The following DMAP1 variants were observed in gnomAD, a reference collection of about 807,000 sequenced individuals.
The protein encoded by DMAP1 is DNA methyltransferase 1-associated protein 1.
A neutral mutation model predicts 52.7 loss-of-function variants in DMAP1; 26 were observed. That is an observed-to-expected ratio of 0.49 (90% confidence interval 0.36 to 0.68). The LOEUF is 0.68. DMAP1 is among the 30% of genes least tolerant of loss of function. DMAP1 has a pLI of 0.00. For missense variants in DMAP1, 439 were observed against 625.2 expected (o/e 0.70, Z 3.18); for synonymous variants, 231 against 246.0 (o/e 0.94, Z 0.57).
Position 44,218,295 on chromosome 1 carries a change from C to A in DMAP1, c.394-16C>A, listed in dbSNP as rs899717136. 2.5e-6 allele frequency: 4 copies of A among 1,614,242 alleles called. No individual in the cohort carries two copies. In the Admixed American group the frequency reaches 5.0e-5, roughly 20 times the overall value. ...TCATGCGGGCATGCCCCTACTGTGT[C>A]CCTCTGTGCTAGTAGACTGTGCAGG... On this transcript the variant is annotated splice_polypyrimidine_tract_variant and intron_variant, in intron 3 of 9. Transcript: ENST00000372289. The surrounding 1 kb of genome is among the most constrained non-coding windows in gnomAD (Gnocchi z 5.6).
intron 2 of DMAP1, 44 bp from the exon 3 acceptor site, chr1:44,214,659 A>G (rs776473589): frequency 6.2e-6 from 10 of 1,612,306 alleles, no homozygotes; most frequent in Non-Finnish European, 8.5e-6. Context: ...TCTTTAACAC[A>G]CCTTCTGATT....
At position 44,218,625 on chromosome 1, in the gene DMAP1, ACATCTG is replaced by A. The variant is rs770254055; in HGVS notation, c.591_596del (p.Ile198_Cys199del). The A allele has an allele frequency of 6.2e-7, 1 of 1,613,320 alleles. No homozygotes were observed. Among genetic ancestry groups the A allele is most frequent in the Admixed American group, 1.7e-5 (1 of 60,002 alleles). On this transcript the variant is annotated inframe_deletion, in exon 5 of 10. Transcript: ENST00000372289. The surrounding 1 kb of genome is among the most constrained non-coding windows in gnomAD (Gnocchi z 5.6). ...GAAGACCTGAAGGAGCGGTACTACC[ACATCTG>A]TGCTAAGCTTGCCAACGTGCGGGCT... is the stretch of plus-strand genomic sequence containing the variant.
At position 44,213,866 on chromosome 1, in the gene DMAP1, G is replaced by C. The variant is rs1342700303; in HGVS notation, c.105+8G>C. On this transcript the variant is annotated splice_region_variant and intron_variant, in intron 1 of 9. Coordinates refer to ENST00000372289, the MANE Select transcript of DMAP1 (RefSeq NM_019100.5). This position sits in a 1 kb window ranked among gnomAD's most constrained non-coding sequence, Gnocchi z 4.5. ...ATTATCAACCCGGACAAGGTAGCAGGGGCACCTGAAAGCGTTGACTAGGGG... is the reference window on the plus strand; with the variant it reads ...ATTATCAACCCGGACAAGGTAGCAGCGGCACCTGAAAGCGTTGACTAGGGG... 6.4e-7 allele frequency: 1 copy of C among 1,574,154 alleles called. No homozygotes were observed. Among genetic ancestry groups the C allele is most frequent in the Non-Finnish European group, 8.6e-7 (1 of 1,160,046 alleles).
In DMAP1 at chr1:44,218,371, T is replaced by C; in HGVS notation, c.454T>C (p.Trp152Arg). 6.2e-7 allele frequency: 1 copy of C among 1,614,210 alleles called. No homozygotes were observed. Among genetic ancestry groups the C allele is most frequent in the Non-Finnish European group, 8.5e-7 (1 of 1,180,028 alleles). Reference protein sequence around the residue: ...EYQLYLHDDAWTKAETDHLFD... With the variant: ...EYQLYLHDDARTKAETDHLFD... ...CCAGCTTTATCTCCACGATGATGCT[T>C]GGACTAAGGCAGAAACTGACCACCT... The change falls in exon 4 of 10, where the codon TGG (tryptophan) becomes CGG (arginine). Residue 152 changes from tryptophan (W) to arginine (R), a missense_variant. Trp to Arg is a moderately radical substitution (Grantham distance 101). Coordinates refer to ENST00000372289, the MANE Select transcript of DMAP1 (RefSeq NM_019100.5). This position sits in a 1 kb window ranked among gnomAD's most constrained non-coding sequence, Gnocchi z 5.6.
At position 44,218,516 on chromosome 1, in the gene DMAP1, A is replaced by G. The variant is rs778325844; in HGVS notation, c.552+47A>G. On this transcript the variant is annotated intron_variant, in intron 4 of 9. Transcript: ENST00000372289. The surrounding 1 kb of genome is among the most constrained non-coding windows in gnomAD (Gnocchi z 5.6). ...TGGGTGCCCAGCTTCTGGGTCTAGC[A>G]GGCCCTACTTTTATGCCATCTCTTC... 1 of 1,610,334 alleles carries G rather than the reference A, an allele frequency of 6.2e-7. No homozygotes were observed. The highest frequency in any genetic ancestry group is 8.5e-7 in the Non-Finnish European group (1 of 1,176,924).
intron 3 of DMAP1, chr1:44,215,151 C>T (rs746601878): frequency 1.6e-6 from 1 of 628,540 alleles, no homozygotes; most frequent in South Asian, 1.5e-5. Flanking sequence ...TGCTGTTCCT[C>T]AGAGCTGTAT....
In DMAP1 at chr1:44,219,224, AAGG is replaced by A. The variant is rs1643855669; in HGVS notation, c.893_895del (p.Glu298del). 1.2e-6 allele frequency: 2 copies of A among 1,613,276 alleles called. No homozygotes were observed. The highest frequency in any genetic ancestry group is 1.7e-5 in the Admixed American group (1 of 59,808). On this transcript the variant is annotated inframe_deletion, in exon 6 of 10. Transcript: ENST00000372289. ...CCCCAAAAAGAAGCTACCCCAGAAAAAGGAGGCTGAGAAGCCGGTGCGGAGGTT... is the reference window on the plus strand; with the variant it reads ...CCCCAAAAAGAAGCTACCCCAGAAAAAGGCTGAGAAGCCGGTGCGGAGGTT...
chr1:44,215,844 A>G (rs893920666), intron 3 of DMAP1: 1 of 158,462 alleles, frequency 6.3e-6, no homozygotes, highest in Non-Finnish European at 1.4e-5. Context: ...CCATTCAGTG[A>G]GAGGCAGAGC....
At position 44,220,214 on chromosome 1, in the gene DMAP1, G is replaced by A. The variant is rs143076012; in HGVS notation, c.1249G>A (p.Ala417Thr). 1.1e-4 allele frequency: 182 copies of A among 1,594,776 alleles called. No homozygotes were observed. In the African/African-American group the frequency reaches 2.2e-3, roughly 20 times the overall value. Residue 417 changes from alanine (A) to threonine (T), a missense_variant, in exon 9 of 10, where the codon GCC becomes ACC. Ala to Thr is a moderately conservative substitution (Grantham distance 58). This residue lies in a region of DMAP1 where 179 missense variants were observed against 285.9 expected (regional missense o/e 0.63). Transcript: ENST00000372289. ...PATPASGPGP[A>T]SAEPAVTEPG... is the part of the protein sequence containing the mutation. ...CACACCAGCATCAGGCCCAGGCCCGGCCTCTGCTGAGCCGGCAGTGACTGA... is the reference window on the plus strand; with the variant it reads ...CACACCAGCATCAGGCCCAGGCCCGACCTCTGCTGAGCCGGCAGTGACTGA...
In DMAP1 at chr1:44,218,433, T is replaced by A; in HGVS notation, c.516T>A (p.Val172=). 6.2e-7 allele frequency: 1 copy of A among 1,614,196 alleles called. No individual in the cohort carries two copies. The highest frequency in any genetic ancestry group is 2.2e-5 in the East Asian group (1 of 44,886). ...GCCGCCGCTTTGACCTGCGTTTTGT[T>A]GTTATCCATGACCGGTATGACCACC... The part of the protein sequence containing the change: ...DLSRRFDLRF[V]VIHDRYDHQQ... Residue 172 remains valine, a synonymous_variant, in exon 4 of 10, where the codon GTT becomes GTA. Coordinates refer to ENST00000372289, the MANE Select transcript of DMAP1 (RefSeq NM_019100.5). The surrounding 1 kb of genome is among the most constrained non-coding windows in gnomAD (Gnocchi z 5.6).
chr1:44,215,732 A>G (rs1425070598), intron 3 of DMAP1: 1 of 183,960 alleles, frequency 5.4e-6, no homozygotes, highest in African/African-American at 2.4e-5. Flanking sequence ...TTTTTCCATA[A>G]TAAATCACAT....
At position 44,220,026 on chromosome 1, in the gene DMAP1, C is replaced by T. The variant is rs1643875592; in HGVS notation, c.1061C>T (p.Pro354Leu). The stretch of plus-strand genomic sequence containing the variant: ...TGCCGCCTGCCTGCAGAGCTGAGCC[C>T]GACACCTACGGAGGAGCTGGTGCAC... ...MLLELGVELS[P>L]TPTEELVHMF... Residue 354 changes from proline to leucine, a missense_variant, in exon 9 of 10, where the codon CCG (proline) becomes CTG (leucine). Physicochemically the swap from Pro to Leu is moderately conservative, Grantham distance 98. This residue lies in a region of DMAP1 where 179 missense variants were observed against 285.9 expected (regional missense o/e 0.63). Transcript: ENST00000372289. 6 of 1,599,192 alleles carry T rather than the reference C, an allele frequency of 3.8e-6. No individual in the cohort carries two copies. Among genetic ancestry groups the T allele is most frequent in the African/African-American group, 1.3e-5 (1 of 74,834 alleles).
Position 44,213,916 on chromosome 1 carries a change from G to A in DMAP1, c.105+58G>A. 1.3e-6 allele frequency: 2 copies of A among 1,498,746 alleles called. No homozygotes were observed. Among genetic ancestry groups the A allele is most frequent in the Non-Finnish European group, 1.8e-6 (2 of 1,099,696 alleles). 92.8% of individuals were successfully genotyped at this position (1,498,746 alleles called of 1,614,324 possible). On this transcript the variant is annotated intron_variant, in intron 1 of 9. Coordinates refer to ENST00000372289, the MANE Select transcript of DMAP1 (RefSeq NM_019100.5). This position sits in a 1 kb window ranked among gnomAD's most constrained non-coding sequence, Gnocchi z 4.5. ...GAGGGTAGGGGAGTGAAGATGGGGA[G>A]GAGTGACAACGGGCAAGGGATGGGT...
chr1:44,213,936 A>G lies in DMAP1; in HGVS notation c.105+78A>G. 7.6e-7 allele frequency: 1 copy of G among 1,308,212 alleles called. No individual in the cohort carries two copies. Among genetic ancestry groups the G allele is most frequent in the Middle Eastern group, 1.8e-4 (1 of 5,498 alleles). 81.0% of individuals were successfully genotyped at this position (1,308,212 alleles called of 1,614,324 possible). A position where few individuals can be genotyped will look rare whatever the true frequency, so the allele number is the denominator to read the frequency against. On this transcript the variant is annotated intron_variant, in intron 1 of 9. Transcript: ENST00000372289. This position sits in a 1 kb window ranked among gnomAD's most constrained non-coding sequence, Gnocchi z 4.5. ...GGGGAGGAGTGACAACGGGCAAGGG[A>G]TGGGTGCTACACTTACAGTGAGTTG...
In DMAP1 at chr1:44,218,581, T is replaced by TC; in HGVS notation, c.553-5dup. 1 of 1,609,268 alleles carries TC rather than the reference T, an allele frequency of 6.2e-7. No homozygotes were observed. The highest frequency in any genetic ancestry group is 8.5e-7 in the Non-Finnish European group (1 of 1,176,136). On this transcript the variant is annotated splice_polypyrimidine_tract_variant and splice_region_variant and intron_variant, in intron 4 of 9. Transcript: ENST00000372289. The surrounding 1 kb of genome is among the most constrained non-coding windows in gnomAD (Gnocchi z 5.6). ...TGTTCATTCCTCTACCCTGTCTTGC[T>TC]CCTCAGAAGCGTTCTGTGGAAGACC...
chr1:44,213,717 C>A lies in DMAP1; in HGVS notation c.-37C>A. The A allele has an allele frequency of 6.5e-7, 1 of 1,549,032 alleles. No individual in the cohort carries two copies. Among genetic ancestry groups the A allele is most frequent in the Non-Finnish European group, 8.7e-7 (1 of 1,143,980 alleles). ...GCCTGGTCCTTCTTCAGGCACTGAC[C>A]CTTGACCTCCGGTGGCTCCCCCATC... On this transcript the variant is annotated 5_prime_UTR_variant, in exon 1 of 10. Coordinates refer to ENST00000372289, the MANE Select transcript of DMAP1 (RefSeq NM_019100.5). The surrounding 1 kb of genome is among the most constrained non-coding windows in gnomAD (Gnocchi z 4.5).
intron 3 of DMAP1, chr1:44,215,750 T>C (rs1394520839): frequency 5.5e-6 from 1 of 182,272 alleles, no homozygotes; most frequent in Non-Finnish European, 1.2e-5. Context: ...CATCTCTGAC[T>C]ATATTCTTCA....
Position 44,219,061 on chromosome 1 carries a change from AGAG to A in DMAP1, c.733_735del (p.Glu245del), listed in dbSNP as rs760425845. 5 of 1,613,976 alleles carry A rather than the reference AGAG, an allele frequency of 3.1e-6. No homozygotes were observed. The highest frequency in any genetic ancestry group is 2.2e-5 in the South Asian group (2 of 91,068). The stretch of plus-strand genomic sequence containing the variant: ...CGCATCCCTCACTTTCCCAGGTGGC[AGAG>A]GAGGAGTACCTGCTACAGGAGCTGC... On this transcript the variant is annotated inframe_deletion, in exon 6 of 10. Coordinates refer to ENST00000372289, the MANE Select transcript of DMAP1 (RefSeq NM_019100.5).
In DMAP1 at chr1:44,218,581, T is replaced by C. The variant is rs774528208; in HGVS notation, c.553-7T>C. ...TGTTCATTCCTCTACCCTGTCTTGCTCCTCAGAAGCGTTCTGTGGAAGACC... is the reference window on the plus strand; with the variant it reads ...TGTTCATTCCTCTACCCTGTCTTGCCCCTCAGAAGCGTTCTGTGGAAGACC... On this transcript the variant is annotated splice_polypyrimidine_tract_variant and splice_region_variant and intron_variant, in intron 4 of 9. Transcript: ENST00000372289. The surrounding 1 kb of genome is among the most constrained non-coding windows in gnomAD (Gnocchi z 5.6). 5.6e-5 allele frequency: 90 copies of C among 1,609,150 alleles called. No homozygotes were observed. The highest frequency in any genetic ancestry group is 4.6e-5 in the Non-Finnish European group (54 of 1,176,144).
Sources: gnomAD v4.1 joint callset for allele counts on GRCh38, gnomAD v4.1.1 for gene constraint, gnomAD v4.1.1 regional missense constraint, Gnocchi (gnomAD v3.1) non-coding constraint, MANE v1.5 for transcripts, NCBI Gene and HGNC (gene_info 2026-07-23, HGNC 2026-07-21) for gene names.